Variants in FNDC3B observed in about 807,000 individuals in gnomAD.
The protein encoded by FNDC3B is fibronectin type III domain containing 3B.
In FNDC3B, 12 loss-of-function variants were observed where a neutral mutation model predicts 151.5. That is an observed-to-expected ratio of 0.08 (90% confidence interval 0.05 to 0.13). The LOEUF is 0.13. FNDC3B is among the 10% of genes least tolerant of loss of function. The pLI, the probability that FNDC3B is intolerant of heterozygous loss-of-function variation, is 1.00. For synonymous variants in FNDC3B, 528 were observed against 549.0 expected (o/e 0.96, Z 0.54); for missense variants, 1,214 against 1,505.3 (o/e 0.81, Z 3.20).
At chr3:172,257,213 CAAA>C (rs1728396214) in intron 6 of FNDC3B, among the ~76,000 whole-genome samples, 2 of 152,164 alleles carry the variant, frequency 1.3e-5, no homozygotes, top group Admixed American at 1.3e-4. Context: ...GCCTGGCCTC[CAAA>C]CACTTTTTTA....
chr3:172,380,888 T>C lies in FNDC3B; in HGVS notation c.3176-78T>C, dbSNP rs914710549. ...GCACAATCTTGCTCTCTCTGGGTTC[T>C]CACTAATAGTGCTAAAGTGTTGACT... is the stretch of plus-strand genomic sequence containing the variant. On this transcript the variant is annotated intron_variant, in intron 24 of 25. Transcript: ENST00000415807. 8 of 1,502,648 alleles carry C rather than the reference T, an allele frequency of 5.3e-6. No homozygotes were observed. In the Admixed American group the frequency reaches 6.9e-5, roughly 13 times the overall value. 93.1% of individuals were successfully genotyped at this position (1,502,648 alleles called of 1,614,324 possible). A position where few individuals can be genotyped will look rare whatever the true frequency, so the allele number is the denominator to read the frequency against.
In FNDC3B at chr3:172,397,523, C is replaced by G. The variant is rs1199722242; in HGVS notation, c.*48C>G. The stretch of plus-strand genomic sequence containing the variant: ...AATTAATGCTACACATTTTAATACA[C>G]ACATTTATTCAGATACTCCCCTTTT... On this transcript the variant is annotated 3_prime_UTR_variant, in exon 26 of 26. Coordinates refer to ENST00000415807, the MANE Select transcript of FNDC3B (RefSeq NM_022763.4). 5 of 1,204,266 alleles carry G rather than the reference C, an allele frequency of 4.2e-6. No homozygotes were observed. The highest frequency in any genetic ancestry group is 5.8e-6 in the Non-Finnish European group (5 of 863,742). The allele number at this position is 1,204,266 out of a possible 1,614,324, so 74.6% of individuals were successfully genotyped here.
At chr3:172,057,758 C>T (rs1170283642) in intron 1 of FNDC3B, among the ~76,000 whole-genome samples, 1 of 151,362 alleles carries the variant, frequency 6.6e-6, no homozygotes, top group Non-Finnish European at 1.5e-5. Flanking sequence ...TTCTTCAGTG[C>T]CCCACCTCAG....
intron 2 of FNDC3B, among the ~76,000 whole-genome samples, chr3:172,123,267 G>A (rs1337389110): frequency 1.3e-5 from 2 of 152,122 alleles, no homozygotes; most frequent in African/African-American, 4.8e-5. Context: ...TCAAACTCCT[G>A]GTTTCAAGCC....
chr3:172,368,880 A>G (rs1326622988), intron 23 of FNDC3B, among the ~76,000 whole-genome samples: 1 of 152,174 alleles, frequency 6.6e-6, no homozygotes, highest in Non-Finnish European at 1.5e-5. Context: ...GCATGGTGGC[A>G]GATGCCTATA....
intron 13 of FNDC3B, 73 bp from the exon 14 acceptor site, chr3:172,333,016 A>T: frequency 1.1e-6 from 1 of 926,860 alleles, no homozygotes. Context: ...GCAGTATAAA[A>T]ATCCTGTATT....
chr3:172,324,745 A>G (rs73035117), intron 11 of FNDC3B, among the ~76,000 whole-genome samples: 7,047 of 152,286 alleles, frequency 0.046, 582 homozygotes, highest in African/African-American at 0.16. Flanking sequence ...ATATTGGTTC[A>G]TGTCCAGTGA....
chr3:172,365,880 G>A (rs1734598296), intron 23 of FNDC3B, among the ~76,000 whole-genome samples: 1 of 152,176 alleles, frequency 6.6e-6, no homozygotes, highest in Non-Finnish European at 1.5e-5. Context: ...AAAGAGTTGA[G>A]TCGATTTTAG....
chr3:172,331,380 T>C (rs9861295), intron 13 of FNDC3B, among the ~76,000 whole-genome samples: 40,467 of 152,030 alleles, frequency 0.27, 5,724 homozygotes, highest in Middle Eastern at 0.46. Flanking sequence ...GTTTTTGAGA[T>C]GGAGTCTTGC....
intron 4 of FNDC3B, among the ~76,000 whole-genome samples, chr3:172,231,602 G>A (rs1362134738): frequency 6.6e-6 from 1 of 152,154 alleles, no homozygotes; most frequent in Non-Finnish European, 1.5e-5. Flanking sequence ...GTTGTGCACT[G>A]TGCTAAATGG....
chr3:172,069,531 T>C (rs931114063), intron 1 of FNDC3B, among the ~76,000 whole-genome samples: 1 of 152,208 alleles, frequency 6.6e-6, no homozygotes, highest in African/African-American at 2.4e-5. Context: ...GTTTGTTACA[T>C]AGGTGAATGA....
At chr3:172,213,390 A>C (rs1227216344) in intron 3 of FNDC3B, among the ~76,000 whole-genome samples, 1 of 152,234 alleles carries the variant, frequency 6.6e-6, no homozygotes, top group African/African-American at 2.4e-5. Flanking sequence ...TGGGGAAGAC[A>C]AGTCATAAAC....
intron 14 of FNDC3B, among the ~76,000 whole-genome samples, chr3:172,334,677 G>A (rs1279414433): frequency 6.6e-6 from 1 of 152,158 alleles, no homozygotes; most frequent in Non-Finnish European, 1.5e-5. Context: ...CTTGACCTCA[G>A]GTGATCCACC....
intron 1 of FNDC3B, among the ~76,000 whole-genome samples, chr3:172,088,874 T>A (rs112939722): frequency 0.012 from 1,821 of 152,312 alleles, 33 homozygotes; most frequent in African/African-American, 0.041. Context: ...TTAAAATGAT[T>A]AGCTTGTACA....
At chr3:172,056,088 A>G (rs1345726459) in intron 1 of FNDC3B, among the ~76,000 whole-genome samples, 1 of 151,726 alleles carries the variant, frequency 6.6e-6, no homozygotes, top group Non-Finnish European at 1.5e-5. Flanking sequence ...GCCTGTTCCT[A>G]GTATGTTTCA....
intron 14 of FNDC3B, 98 bp downstream of exon 14, chr3:172,333,273 A>C: frequency 1.3e-6 from 1 of 792,888 alleles, no homozygotes; most frequent in South Asian, 1.4e-5. Context: ...TTAAAAAATG[A>C]AGTTCACAGC....
rs375046189 is a variant in FNDC3B, at chr3:172,339,107, A to C, written c.1852+1706A>C. Among the ~76,000 whole-genome samples the C allele has an allele frequency of 1.2e-4, 18 of 152,304 alleles. No individual in the cohort carries two copies. The South Asian group carries it at 3.7e-3, about 32-fold the overall frequency. ...AGAGAGCATTGATAAAACTTTTACA[A>C]GCAAGCAGTGCTGATGTGTGGCTGG... On this transcript the variant is annotated intron_variant, in intron 16 of 25. Transcript: ENST00000415807.
At position 172,049,388 on chromosome 3, in the gene FNDC3B, A is replaced by T. The variant is rs559300470; in HGVS notation, c.-29+9617A>T. The stretch of plus-strand genomic sequence containing the variant: ...AAAAGGGCATTTTAATATTGAGATG[A>T]ATCAGGGAGTTTGTTAATATTGGCA... On this transcript the variant is annotated intron_variant, in intron 1 of 25. Transcript: ENST00000415807. Among the ~76,000 whole-genome samples, 5 of 152,296 alleles carry T rather than the reference A, an allele frequency of 3.3e-5. No individual in the cohort carries two copies. In the East Asian group the frequency reaches 9.6e-4, roughly 29 times the overall value.
At chr3:172,377,509 G>C (rs1236093057) in intron 23 of FNDC3B, among the ~76,000 whole-genome samples, 1 of 152,148 alleles carries the variant, frequency 6.6e-6, no homozygotes, top group Admixed American at 6.5e-5. Context: ...TAAAACATAA[G>C]GCCTTGTTTG....
Sources: allele counts gnomAD v4.1 joint callset (sites outside exome capture counted in the v4.1 genomes callset), GRCh38; gene constraint gnomAD v4.1.1; transcripts MANE v1.5; gene names NCBI Gene and HGNC (gene_info 2026-07-23, HGNC 2026-07-21).